Variants in TTC7A observed in about 807,000 individuals in gnomAD.
TTC7A encodes tetratricopeptide repeat domain 7A.
TTC7A carries 110 observed loss-of-function variants against 103.7 expected under a neutral mutation model. The ratio of observed to expected loss-of-function variants is 1.06; its 90% CI spans 0.91 to 1.24. TTC7A has a LOEUF of 1.24. TTC7A is among the 50% of genes most tolerant of loss of function. TTC7A has a pLI of 0.00. For synonymous variants in TTC7A, 521 were observed against 467.9 expected (o/e 1.11, Z -1.47); for missense variants, 1,340 against 1,116.3 (o/e 1.20, Z -2.86).
At chr2:46,917,280 G>C (rs1298220141) in intron 2 of TTC7A, 15 of 676,838 alleles carry the variant, frequency 2.2e-5, no homozygotes, top group Non-Finnish European at 2.4e-5. Flanking sequence ...TTACAGGGGT[G>C]AGCCACCGCG....
intron 18 of TTC7A, among the ~76,000 whole-genome samples, chr2:47,053,539 TTTGTTTGGTTGGTTGG>T (rs1380108216): frequency 3.0e-5 from 2 of 66,068 alleles, no homozygotes; most frequent in Admixed American, 1.6e-4. Context: ...TTTTTGTTTG[TTTGTTTGGTTGGTTGG>T]TTGGTTGGTT....
At chr2:46,939,516 A>G (rs1478060253), upstream of TTC7A, among the ~76,000 whole-genome samples, 1 of 152,128 alleles carries the variant, frequency 6.6e-6, no homozygotes, top group Non-Finnish European at 1.5e-5. Flanking sequence ...AGTATTGGTG[A>G]CCCCCTTAAA....
At chr2:46,982,808 T>A (rs1674607396) in intron 5 of TTC7A, among the ~76,000 whole-genome samples, 1 of 151,724 alleles carries the variant, frequency 6.6e-6, no homozygotes, top group South Asian at 2.1e-4. Context: ...CAAAAAAAAA[T>A]TATTTTTAAT....
At chr2:47,059,554 C>G (rs1369909256) in intron 18 of TTC7A, among the ~76,000 whole-genome samples, 1 of 152,142 alleles carries the variant, frequency 6.6e-6, no homozygotes, top group Non-Finnish European at 1.5e-5. Context: ...TTGGTTCTCC[C>G]TGGCTCTGAG....
At chr2:46,994,653 A>C in intron 7 of TTC7A, 139 bp downstream of exon 7, 5 of 843,026 alleles carry the variant, frequency 5.9e-6, no homozygotes, top group Non-Finnish European at 9.4e-6. Flanking sequence ...CCTCAGTCTC[A>C]GCAGGAGCCA....
chr2:47,049,616 C>T (rs1422413756), intron 16 of TTC7A, among the ~76,000 whole-genome samples: 1 of 152,076 alleles, frequency 6.6e-6, no homozygotes, highest in African/African-American at 2.4e-5. Context: ...TCCACAGTCC[C>T]CACTCTCTGC....
At position 46,992,252 on chromosome 2, in the gene TTC7A, C is replaced by T. The variant is rs554041226; in HGVS notation, c.765-1198C>T. Among the ~76,000 whole-genome samples the T allele has an allele frequency of 2.2e-4, 33 of 152,312 alleles. 1 individual carries two copies. Among genetic ancestry groups the T allele is most frequent in the African/African-American group, 7.7e-4 (32 of 41,578 alleles). ...GCTGCTGGGTGGAGCTTTAGAAACA[C>T]GGGAGCGATGCGCCTGGCCCTCAGG... On this transcript the variant is annotated intron_variant, in intron 5 of 19. Transcript: ENST00000319190.
Position 46,941,628 on chromosome 2 carries a change from G to A in TTC7A, c.87G>A (p.Met29Ile), listed in dbSNP as rs1670389273. The A allele has an allele frequency of 1.9e-6, 3 of 1,555,056 alleles. No homozygotes were observed. The East Asian group carries it at 7.2e-5, about 38-fold the overall frequency. The change falls in exon 1 of 20, where the codon ATG becomes ATA. Residue 29 changes from methionine (M) to isoleucine (I), a missense_variant. Coordinates refer to ENST00000319190, the MANE Select transcript of TTC7A (RefSeq NM_020458.4). The surrounding 1 kb of genome is among the most constrained non-coding windows in gnomAD (Gnocchi z 4.2). Reference protein sequence around the residue: ...RCRAEGHWDRMPELVRQLQTL... With the variant: ...RCRAEGHWDRIPELVRQLQTL... ...GCGCCGAGGGCCACTGGGACCGCAT[G>A]CCGGAGCTGGTCCGGCAGCTGCAGA...
At chr2:46,994,762 C>T (rs1675994622) in intron 7 of TTC7A, among the ~76,000 whole-genome samples, 2 of 152,170 alleles carry the variant, frequency 1.3e-5, no homozygotes, top group Admixed American at 1.3e-4. Context: ...ACCTGTCTTC[C>T]CAGTAGTCTT....
At chr2:47,069,347 C>G (rs772751216) in intron 19 of TTC7A, among the ~76,000 whole-genome samples, 2 of 152,176 alleles carry the variant, frequency 1.3e-5, no homozygotes, top group African/African-American at 4.8e-5. Context: ...GCTGAAGAGG[C>G]CTACTGGTGT....
rs200473960 is a variant in TTC7A, at chr2:46,986,817, A to G, written c.765-6633A>G. 2.1e-3 allele frequency among the ~76,000 whole-genome samples: 326 copies of G among 152,248 alleles called. 2 individuals carry two copies. The highest frequency in any genetic ancestry group is 7.4e-3 in the African/African-American group (306 of 41,544). On this transcript the variant is annotated intron_variant, in intron 5 of 19. Coordinates refer to ENST00000319190, the MANE Select transcript of TTC7A (RefSeq NM_020458.4). ...GTCCCTCCCATTGAGGACTTGACCT[A>G]ATTTAAAGAGTGTGCTGTTGTCCAC...
intron 2 of TTC7A, chr2:46,917,420 C>A: frequency 1.8e-6 from 1 of 564,928 alleles, no homozygotes; most frequent in South Asian, 2.3e-5. Flanking sequence ...ATTCATCCAT[C>A]TCTTCATCCA....
chr2:47,026,225 T>C (rs1157068717), intron 14 of TTC7A, among the ~76,000 whole-genome samples: 1 of 152,176 alleles, frequency 6.6e-6, no homozygotes, highest in Non-Finnish European at 1.5e-5. Flanking sequence ...TACATCTGGC[T>C]GGCCGGCACA....
chr2:46,930,035 A>G (rs1176703698), intron 2 of TTC7A, among the ~76,000 whole-genome samples: 1 of 152,202 alleles, frequency 6.6e-6, no homozygotes. Flanking sequence ...TGAGAAATAA[A>G]CTAAGTTGGT....
intron 3 of TTC7A, among the ~76,000 whole-genome samples, chr2:46,962,607 A>G (rs558097805): frequency 1.2e-4 from 18 of 152,172 alleles, no homozygotes; most frequent in African/African-American, 4.3e-4. Context: ...TGTTTGGAAG[A>G]CCCCAGAGTG....
chr2:47,033,585 A>T (rs1282696661), intron 15 of TTC7A, among the ~76,000 whole-genome samples: 2 of 152,140 alleles, frequency 1.3e-5, no homozygotes, highest in African/African-American at 4.8e-5. Context: ...CCCTTGAGTC[A>T]TGTCTGTCAC....
intron 5 of TTC7A, among the ~76,000 whole-genome samples, chr2:46,986,243 C>T (rs925862909): frequency 6.6e-6 from 1 of 152,126 alleles, no homozygotes; most frequent in Non-Finnish European, 1.5e-5. Flanking sequence ...CCCTCCTAGC[C>T]TCTTGGGTTG....
At chr2:46,939,755 GCT>G (rs1211252742), upstream of TTC7A, among the ~76,000 whole-genome samples, 2 of 152,162 alleles carry the variant, frequency 1.3e-5, no homozygotes, top group Non-Finnish European at 2.9e-5. Context: ...TAATCCAACC[GCT>G]CTCTCCAAGT....
At chr2:47,073,562 TAAC>T in intron 19 of TTC7A, 137 bp from the exon 20 acceptor site, 1 of 719,366 alleles carries the variant, frequency 1.4e-6, no homozygotes, top group Non-Finnish European at 2.4e-6. Flanking sequence ...CACAGTCACT[TAAC>T]AGTGCCCAAG....
Sources: gnomAD v4.1 joint callset for allele counts (sites outside exome capture counted in the v4.1 genomes callset) on GRCh38, gnomAD v4.1.1 for gene constraint, Gnocchi (gnomAD v3.1) non-coding constraint, MANE v1.5 for transcripts, NCBI Gene and HGNC (gene_info 2026-07-23, HGNC 2026-07-21) for gene names.